Variants in SNF8 observed in about 807,000 individuals in gnomAD.
The protein encoded by SNF8 is SNF8 subunit of ESCRT-II, also known as vacuolar-sorting protein SNF8.
SNF8 carries 19 observed loss-of-function variants against 36.8 expected under a neutral mutation model. The ratio of observed to expected loss-of-function variants is 0.52; its 90% CI spans 0.36 to 0.76. SNF8 has a LOEUF of 0.76. Ranked by LOEUF, SNF8 falls within the 30% of genes least tolerant of loss-of-function variation. SNF8 has a pLI of 0.00. For synonymous variants in SNF8, 127 were observed against 127.4 expected (o/e 1.00, Z 0.02); for missense variants, 268 against 322.9 (o/e 0.83, Z 1.30).
intron 3 of SNF8, 165 bp from the exon 4 acceptor site, chr17:48,937,289 CT>C (rs5820737): frequency 0.26 from 181,238 of 710,392 alleles, 24,349 homozygotes; most frequent in Admixed American, 0.38. Flanking sequence ...ACGGTAACTC[CT>C]GCTGAAGAAC....
chr17:48,933,325 G>A lies in SNF8; in HGVS notation c.444C>T (p.Ile148=). Residue 148 remains isoleucine (I), a synonymous_variant, in exon 6 of 8, where the codon ATC becomes ATT. Transcript: ENST00000502492. ...CAGTGCCAAGTGCCTTTAGTTTCTT[G>A]ATGGCTCTGATCAGGTCATCTCTGA... ...DVSQDDLIRA[I]KKLKALGTGF... 2 of 1,614,200 alleles carry A rather than the reference G, an allele frequency of 1.2e-6. No homozygotes were observed. The highest frequency in any genetic ancestry group is 1.7e-6 in the Non-Finnish European group (2 of 1,180,042).
chr17:48,940,072 C>CAA (rs34067220), intron 3 of SNF8, among the ~76,000 whole-genome samples: 22,753 of 90,720 alleles, frequency 0.25, 3,612 homozygotes, highest in Non-Finnish European at 0.35. Context: ...AAGACTGTCT[C>CAA]AAAAAAAAAA....
intron 4 of SNF8, chr17:48,936,747 A>G: frequency 8.2e-6 from 4 of 490,736 alleles, no homozygotes; most frequent in Middle Eastern, 5.4e-4. Flanking sequence ...TCAGGGGAAA[A>G]GGCCTACTTC....
In SNF8 at chr17:48,940,957, T is replaced by C; in HGVS notation, c.211A>G (p.Met71Val). 1 of 1,612,756 alleles carries C rather than the reference T, an allele frequency of 6.2e-7. No homozygotes were observed. Among genetic ancestry groups the C allele is most frequent in the Non-Finnish European group, 8.5e-7 (1 of 1,180,008 alleles). Residue 71 changes from methionine (M) to valine (V), a missense_variant, in exon 3 of 8, where the codon ATG becomes GTG. Coordinates refer to ENST00000502492, the MANE Select transcript of SNF8 (RefSeq NM_007241.4). Reference sequence around the variant, plus strand: ...GGATCCACGCCAATGGTTGCACACATGTCCTGGAACTGCACACGGAACTCA... The same window carrying C: ...GGATCCACGCCAATGGTTGCACACACGTCCTGGAACTGCACACGGAACTCA... ...NPEFRVQFQD[M>V]CATIGVDPLA... is the part of the protein sequence containing the mutation.
chr17:48,937,996 T>C (rs1357960485), intron 3 of SNF8, among the ~76,000 whole-genome samples: 1 of 152,030 alleles, frequency 6.6e-6, no homozygotes, highest in Non-Finnish European at 1.5e-5. Flanking sequence ...TCTATTTGGC[T>C]AATTCTGGCT....
intron 3 of SNF8, among the ~76,000 whole-genome samples, chr17:48,938,981 G>C (rs192042321): frequency 6.6e-6 from 1 of 151,172 alleles, no homozygotes; most frequent in Non-Finnish European, 1.5e-5. Flanking sequence ...ATCTGTAGCC[G>C]GGCGCGGTAG....
chr17:48,932,504 A>G (rs1189849436), intron 6 of SNF8: 1 of 151,952 alleles, frequency 6.6e-6, no homozygotes, highest in African/African-American at 2.4e-5. Flanking sequence ...CCCAGCACTT[A>G]GAGAGGCTAA....
At chr17:48,932,806 G>C (rs2040879158) in intron 6 of SNF8, 1 of 161,804 alleles carries the variant, frequency 6.2e-6, no homozygotes, top group African/African-American at 2.4e-5. Context: ...GGGGGAAGAT[G>C]GCATATGCTT....
chr17:48,938,246 C>T (rs1369685374), intron 3 of SNF8, among the ~76,000 whole-genome samples: 3 of 152,094 alleles, frequency 2.0e-5, no homozygotes, highest in Non-Finnish European at 4.4e-5. Flanking sequence ...CCTGTAATCC[C>T]AGCACTTTGG....
chr17:48,935,803 T>C (rs1269570992), intron 5 of SNF8: 1 of 167,948 alleles, frequency 6.0e-6, no homozygotes, highest in Non-Finnish European at 1.3e-5. Flanking sequence ...TAATGGTTTT[T>C]GTTTCCTTTT....
chr17:48,943,845 C>T, intron 2 of SNF8, 80 bp downstream of exon 2: 1 of 1,277,104 alleles, frequency 7.8e-7, no homozygotes, highest in Non-Finnish European at 1.1e-6. Context: ...TCAATCTACA[C>T]AATCAAGTTC....
intron 2 of SNF8, among the ~76,000 whole-genome samples, chr17:48,942,938 T>A (rs573386055): frequency 2.7e-5 from 4 of 146,240 alleles, no homozygotes; most frequent in Non-Finnish European, 4.5e-5. Context: ...TGATCCTGGC[T>A]CACTGCAACC....
chr17:48,935,239 C>T (rs2040917077), intron 5 of SNF8, among the ~76,000 whole-genome samples: 1 of 152,096 alleles, frequency 6.6e-6, no homozygotes, highest in Admixed American at 6.6e-5. Flanking sequence ...GGCGGCCAGG[C>T]GCGGTGGCAG....
chr17:48,944,654 T>C, intron 1 of SNF8, 27 bp downstream of exon 1: 3 of 1,610,652 alleles, frequency 1.9e-6, no homozygotes, highest in Non-Finnish European at 2.5e-6. Flanking sequence ...CAGGGGCAGG[T>C]TGTGGGTCGG....
rs2040826969 is a variant in SNF8 at position 48,929,600 on chromosome 17, T to C, written c.*875A>G. On this transcript the variant is annotated 3_prime_UTR_variant, in exon 8 of 8. Coordinates refer to ENST00000502492, the MANE Select transcript of SNF8 (RefSeq NM_007241.4). ...TTGGCTGACCACGTGTGTAGAAAAATGTCTACACACAGTATGTGCTGCCAT... is the reference window on the plus strand; with the variant it reads ...TTGGCTGACCACGTGTGTAGAAAAACGTCTACACACAGTATGTGCTGCCAT... 6.6e-6 allele frequency: 1 copy of C among 152,064 alleles called. No homozygotes were observed. Among genetic ancestry groups the C allele is most frequent in the Non-Finnish European group, 1.5e-5 (1 of 68,038 alleles). 9.4% of individuals were successfully genotyped at this position (152,064 alleles called of 1,614,324 possible).
At chr17:48,933,885 A>G (rs932820632) in intron 5 of SNF8, among the ~76,000 whole-genome samples, 2 of 152,252 alleles carry the variant, frequency 1.3e-5, no homozygotes, top group African/African-American at 2.4e-5. Flanking sequence ...ACAGCGGTCA[A>G]AGATACACCT....
intron 2 of SNF8, among the ~76,000 whole-genome samples, chr17:48,942,786 T>C (rs1282701493): frequency 6.6e-6 from 1 of 151,476 alleles, no homozygotes; most frequent in East Asian, 1.9e-4. Context: ...GTGTCCTCAA[T>C]TTCTGCCCAC....
rs1437680262 is a variant in SNF8 at position 48,933,366 on chromosome 17, C to T, written c.423-20G>A. The T allele has an allele frequency of 3.1e-6, 5 of 1,613,878 alleles. No homozygotes were observed. The highest frequency in any genetic ancestry group is 1.1e-5 in the South Asian group (1 of 91,078). ...TCATCTCTGAGGTAAGGAAGAGTTGCTTAACGACCCTTGGCAGAATCAGAC... is the reference window on the plus strand; with the variant it reads ...TCATCTCTGAGGTAAGGAAGAGTTGTTTAACGACCCTTGGCAGAATCAGAC... On this transcript the variant is annotated intron_variant, in intron 5 of 7. Transcript: ENST00000502492.
At position 48,936,202 on chromosome 17, in the gene SNF8, C is replaced by T. The variant is rs768245993; in HGVS notation, c.390G>A (p.Lys130=). The T allele has an allele frequency of 8.7e-6, 14 of 1,614,024 alleles. No homozygotes were observed. The South Asian group carries it at 1.5e-4, about 18-fold the overall frequency. The change falls in exon 5 of 8, where the codon AAG becomes AAA. Residue 130 remains lysine (K), a synonymous_variant. Transcript: ENST00000502492. ...TLEELHQQVL[K]GRGKFAQDVS... ...CATCCTGGGCGAACTTGCCCCTTCC[C>T]TTCAACACCTGTTGATGTAGTTCCT... is the stretch of plus-strand genomic sequence containing the variant.
Sources: allele counts gnomAD v4.1 joint callset (sites outside exome capture counted in the v4.1 genomes callset), GRCh38; gene constraint gnomAD v4.1.1; transcripts MANE v1.5; gene names NCBI Gene and HGNC (gene_info 2026-07-23, HGNC 2026-07-21).